Variants in EDEM3 observed in about 807,000 individuals in gnomAD.
The protein encoded by EDEM3 is ER degradation-enhancing alpha-mannosidase-like protein 3.
In EDEM3, 60 loss-of-function variants were observed where a neutral mutation model predicts 110.2. The ratio of observed to expected loss-of-function variants is 0.54; its 90% CI spans 0.44 to 0.67. The LOEUF (loss-of-function observed/expected upper bound fraction) is 0.67. Among genes scored for constraint, EDEM3 ranks in the 30% least tolerant of loss-of-function variants. EDEM3 has a pLI of 0.00. For synonymous variants in EDEM3, 352 were observed against 382.9 expected (o/e 0.92, Z 0.94); for missense variants, 996 against 1,121.0 (o/e 0.89, Z 1.59).
chr1:184,734,016 T>C (rs1274353930), intron 5 of EDEM3, among the ~76,000 whole-genome samples: 2 of 152,190 alleles, frequency 1.3e-5, no homozygotes, highest in Non-Finnish European at 2.9e-5. Context: ...AACATACAGA[T>C]ATTACCTTTC....
intron 6 of EDEM3, among the ~76,000 whole-genome samples, chr1:184,729,820 CTGTTT>C (rs150391381): frequency 0.025 from 3,874 of 152,238 alleles, 163 homozygotes; most frequent in African/African-American, 0.087. Context: ...ATAGTATCTT[CTGTTT>C]TAATTCCTTG....
chr1:184,717,068 C>T, intron 12 of EDEM3, 56 bp from the exon 13 acceptor site: 1 of 1,383,336 alleles, frequency 7.2e-7, no homozygotes, highest in Non-Finnish European at 9.9e-7. Context: ...TACCACATAT[C>T]CATTCATTTA....
At position 184,706,695 on chromosome 1, in the gene EDEM3, T is replaced by C. The variant is rs1558044973; in HGVS notation, c.2151A>G (p.Ala717=). 1.2e-6 allele frequency: 2 copies of C among 1,613,668 alleles called. No homozygotes were observed. Among genetic ancestry groups the C allele is most frequent in the South Asian group, 1.1e-5 (1 of 91,042 alleles). ...CATTCTGGATGTTGCGTGCCTTTTC[T>C]GCAAACATGCACTGTCCTCTTTGTA... ...ALIQRGQCMF[A]EKARNIQNAG... Residue 717 remains alanine, a synonymous_variant, in exon 18 of 20, where the codon GCA becomes GCG. Coordinates refer to ENST00000318130, the MANE Select transcript of EDEM3 (RefSeq NM_025191.4).
chr1:184,694,632 T>A (rs1472514936), intron 19 of EDEM3, among the ~76,000 whole-genome samples, 160 bp from the exon 20 acceptor site: 6 of 152,096 alleles, frequency 3.9e-5, no homozygotes, highest in African/African-American at 1.4e-4. Flanking sequence ...AAGACTGTCT[T>A]TATGCAGTCA....
In EDEM3 at chr1:184,719,434, TCTTTATACCTGCAAGCCTGG is replaced by T. The variant is rs1464421407; in HGVS notation, c.1066_1077+8del. The T allele has an allele frequency of 6.2e-7, 1 of 1,605,764 alleles. No individual in the cohort carries two copies. On this transcript the variant is annotated splice_donor_variant and splice_donor_5th_base_variant and coding_sequence_variant and intron_variant, in exon 10 of 20. Coordinates refer to ENST00000318130, the MANE Select transcript of EDEM3 (RefSeq NM_025191.4). LOFTEE classifies it high-confidence loss of function. ...TACATTCATATTAAGAAGACAGAAT[TCTTTATACCTGCAAGCCTGG>T]GAAGAAGGCAAGCAAAGCATCCATC... is the stretch of plus-strand genomic sequence containing the variant.
In EDEM3 at chr1:184,737,740, A is replaced by C. The variant is rs769850915; in HGVS notation, c.205-29T>G. On this transcript the variant is annotated intron_variant, in intron 2 of 19. Coordinates refer to ENST00000318130, the MANE Select transcript of EDEM3 (RefSeq NM_025191.4). Reference sequence around the variant, plus strand: ...CAAGGAAAACTTTAGTAAGTTACTAAGGAAAATAAGCGAAAGCACACATCA... The same window carrying C: ...CAAGGAAAACTTTAGTAAGTTACTACGGAAAATAAGCGAAAGCACACATCA... 9.4e-6 allele frequency: 15 copies of C among 1,588,546 alleles called. No individual in the cohort carries two copies. The Admixed American group carries it at 2.5e-4, about 27-fold the overall frequency.
In EDEM3 at chr1:184,691,265, T is replaced by C. The variant is rs559925479; in HGVS notation, c.*2798A>G. 1.2e-4 allele frequency: 19 copies of C among 152,638 alleles called. No homozygotes were observed. Among genetic ancestry groups the C allele is most frequent in the African/African-American group, 3.1e-4 (13 of 41,562 alleles). 9.5% of individuals were successfully genotyped at this position (152,638 alleles called of 1,614,324 possible). A position where few individuals can be genotyped will look rare whatever the true frequency, so the allele number is the denominator to read the frequency against. On this transcript the variant is annotated 3_prime_UTR_variant, in exon 20 of 20. Transcript: ENST00000318130. ...CACTTAAAACTTTATGGGAAAAGTA[T>C]TGCAAATAAGGGCATATCATTTCAA...
rs1025542583 is a variant in EDEM3, at chr1:184,693,885, G to A, written c.*178C>T. On this transcript the variant is annotated 3_prime_UTR_variant, in exon 20 of 20. Coordinates refer to ENST00000318130, the MANE Select transcript of EDEM3 (RefSeq NM_025191.4). ...TTTTGATGGGACAGTTTTAAACAAG[G>A]TCAATTCTAACACAGCATGCTCCAG... The A allele has an allele frequency of 4.7e-6, 3 of 640,518 alleles. No homozygotes were observed. The South Asian group carries it at 7.7e-5, about 16-fold the overall frequency. 39.7% of individuals were successfully genotyped at this position (640,518 alleles called of 1,614,324 possible). A position where few individuals can be genotyped will look rare whatever the true frequency, so the allele number is the denominator to read the frequency against.
At chr1:184,712,063 A>C (rs901442687) in intron 14 of EDEM3, among the ~76,000 whole-genome samples, 186 bp from the exon 15 acceptor site, 1 of 151,924 alleles carries the variant, frequency 6.6e-6, no homozygotes, top group Admixed American at 6.6e-5. Flanking sequence ...AGTAGCTGGG[A>C]CTACAGGCGC....
At chr1:184,734,668 AAGTTC>A in intron 4 of EDEM3, 25 bp from the exon 5 acceptor site, 1 of 994,928 alleles carries the variant, frequency 1.0e-6, no homozygotes, top group Non-Finnish European at 1.5e-6. Context: ...TTATGAAATA[AAGTTC>A]TTTTCTACCA....
At chr1:184,706,840 A>G (rs770942804) in intron 17 of EDEM3, 32 bp from the exon 18 acceptor site, 5 of 1,601,854 alleles carry the variant, frequency 3.1e-6, no homozygotes, top group Admixed American at 3.4e-5. Context: ...TAAATACTTT[A>G]ATCTTCTCAA....
chr1:184,707,494 A>C (rs1206677710), intron 17 of EDEM3, among the ~76,000 whole-genome samples: 2 of 152,234 alleles, frequency 1.3e-5, no homozygotes, highest in Non-Finnish European at 2.9e-5. Flanking sequence ...TGAATCAATC[A>C]ATCTATATAG....
At chr1:184,739,235 ATTT>A (rs1651998710) in intron 2 of EDEM3, among the ~76,000 whole-genome samples, 1 of 149,424 alleles carries the variant, frequency 6.7e-6, no homozygotes, top group South Asian at 2.1e-4. Context: ...CATTAAAATT[ATTT>A]TAATTTTAAT....
In EDEM3 at chr1:184,694,284, G is replaced by T. The variant is rs748320398; in HGVS notation, c.2578C>A (p.Pro860Thr). ...GTGGGATTAGAAGTCTGTTCAGAAGGGGAAATGCTTGCAGCATTGTCCATA... is the reference window on the plus strand; with the variant it reads ...GTGGGATTAGAAGTCTGTTCAGAAGTGGAAATGCTTGCAGCATTGTCCATA... The part of the protein sequence containing the change: ...ADMDNAASIS[P>T]SEQTSNPTEN... The change falls in exon 20 of 20, where the codon CCT (proline) becomes ACT (threonine). Residue 860 changes from proline (P) to threonine (T), a missense_variant. Coordinates refer to ENST00000318130, the MANE Select transcript of EDEM3 (RefSeq NM_025191.4). The T allele has an allele frequency of 3.1e-6, 5 of 1,613,104 alleles. No homozygotes were observed. The Admixed American group carries it at 8.4e-5, about 27-fold the overall frequency.
intron 8 of EDEM3, among the ~76,000 whole-genome samples, chr1:184,722,751 C>T (rs1650973059): frequency 6.6e-6 from 1 of 151,188 alleles, no homozygotes; most frequent in Non-Finnish European, 1.5e-5. Flanking sequence ...AGGCAGTTAC[C>T]ATTTATTTTA....
At chr1:184,716,851 A>G in intron 13 of EDEM3, 37 bp downstream of exon 13, 3 of 1,607,204 alleles carry the variant, frequency 1.9e-6, no homozygotes, top group Non-Finnish European at 2.6e-6. Context: ...TGTTTCAGAG[A>G]GACCCTGAGG....
At chr1:184,706,547 G>A (rs1649937603) in intron 18 of EDEM3, 96 bp downstream of exon 18, 2 of 1,225,092 alleles carry the variant, frequency 1.6e-6, no homozygotes, top group Non-Finnish European at 2.2e-6. Flanking sequence ...AAAAAACTAT[G>A]ACAAACTCTT....
intron 2 of EDEM3, among the ~76,000 whole-genome samples, chr1:184,748,085 C>T (rs1013598454): frequency 6.6e-6 from 1 of 152,040 alleles, no homozygotes; most frequent in African/African-American, 2.4e-5. Context: ...TTTGCCCAAA[C>T]TGAATTAACC....
At chr1:184,741,309 G>A (rs1652123624) in intron 2 of EDEM3, among the ~76,000 whole-genome samples, 1 of 152,054 alleles carries the variant, frequency 6.6e-6, no homozygotes, top group African/African-American at 2.4e-5. Context: ...TGAGGCAGGA[G>A]AATTGCTTGA....
Sources: gnomAD v4.1 joint callset for allele counts (sites outside exome capture counted in the v4.1 genomes callset) on GRCh38, gnomAD v4.1.1 for gene constraint, MANE v1.5 for transcripts, NCBI Gene and HGNC (gene_info 2026-07-23, HGNC 2026-07-21) for gene names.